The following PRKCH variants were observed in gnomAD, a reference collection of about 807,000 sequenced individuals.
PRKCH encodes protein kinase C eta.
A neutral mutation model predicts 82.5 loss-of-function variants in PRKCH; 28 were observed. The observed-to-expected ratio is 0.34, with a 90% CI of 0.25 to 0.47. The LOEUF is 0.47. PRKCH is among the 20% of genes least tolerant of loss of function. The pLI, the probability that PRKCH is intolerant of heterozygous loss-of-function variation, is 1.00. For synonymous variants in PRKCH, 322 were observed against 327.4 expected (o/e 0.98, Z 0.18); for missense variants, 705 against 881.8 (o/e 0.80, Z 2.54).
At chr14:61,451,525 G>A (rs1227165807) in intron 6 of PRKCH, among the ~76,000 whole-genome samples, 1 of 152,194 alleles carries the variant, frequency 6.6e-6, no homozygotes, top group Non-Finnish European at 1.5e-5. Flanking sequence ...GACAGGGGTA[G>A]AATGAAGGAA....
chr14:61,221,374 CTATT>C (rs2044654814), intron 1 of PRKCH, among the ~76,000 whole-genome samples: 1 of 152,116 alleles, frequency 6.6e-6, no homozygotes, highest in Non-Finnish European at 1.5e-5. Flanking sequence ...GTGGATATAT[CTATT>C]AGCCCTGCTT....
intron 10 of PRKCH, among the ~76,000 whole-genome samples, chr14:61,519,493 A>G (rs1006075931): frequency 6.6e-6 from 1 of 152,078 alleles, no homozygotes; most frequent in African/African-American, 2.4e-5. Flanking sequence ...GGGAGGAGGT[A>G]TGAGGGGGTA....
At chr14:61,439,353 A>G (rs1029022880) in intron 2 of PRKCH, among the ~76,000 whole-genome samples, 1 of 152,122 alleles carries the variant, frequency 6.6e-6, no homozygotes, top group Non-Finnish European at 1.5e-5. Flanking sequence ...ACATGGTGAC[A>G]GTGAAAGTCA....
At chr14:61,416,825 C>A (rs10139146) in intron 2 of PRKCH, among the ~76,000 whole-genome samples, 6,814 of 152,230 alleles carry the variant, frequency 0.045, 464 homozygotes, top group African/African-American at 0.15. Flanking sequence ...GGCCAACACC[C>A]CTTTCCTTTC....
Position 61,506,625 on chromosome 14 carries a change from C to T in PRKCH, c.1433+20969C>T, listed in dbSNP as rs149363890. On this transcript the variant is annotated intron_variant, in intron 10 of 13. Coordinates refer to ENST00000332981, the MANE Select transcript of PRKCH (RefSeq NM_006255.5). ...ATGGAAGCAGCCCTGAACTAACTGC[C>T]CTGGGGCTCTTTATTCTCAGGCTAC... Among the ~76,000 whole-genome samples the T allele has an allele frequency of 1.6e-3, 243 of 152,258 alleles. 4 individuals carry two copies. The highest frequency in any genetic ancestry group is 5.0e-4 in the Non-Finnish European group (34 of 68,028).
At chr14:61,260,208 C>A (rs2045034443) in intron 1 of PRKCH, among the ~76,000 whole-genome samples, 1 of 152,176 alleles carries the variant, frequency 6.6e-6, no homozygotes, top group Non-Finnish European at 1.5e-5. Context: ...TGCAACCCTT[C>A]TGAAATATTA....
chr14:61,442,420 T>C (rs148685614), intron 2 of PRKCH: 1 of 152,320 alleles, frequency 6.6e-6, no homozygotes, highest in East Asian at 1.9e-4. Context: ...TTTGCGAGGA[T>C]ACCAGAATTA....
At chr14:61,225,532 C>T (rs576621394) in intron 1 of PRKCH, among the ~76,000 whole-genome samples, 2 of 152,312 alleles carry the variant, frequency 1.3e-5, no homozygotes, top group South Asian at 4.1e-4. Flanking sequence ...GTGAAGGGCT[C>T]ACAGGCCACG....
intron 1 of PRKCH, among the ~76,000 whole-genome samples, chr14:61,358,384 C>A (rs1281227562): frequency 6.6e-6 from 1 of 152,180 alleles, no homozygotes; most frequent in Non-Finnish European, 1.5e-5. Flanking sequence ...CCTTTAGCTC[C>A]TTAATGCCTG....
chr14:61,296,883 G>T (rs1044018198), intron 1 of PRKCH, among the ~76,000 whole-genome samples: 2 of 152,162 alleles, frequency 1.3e-5, no homozygotes, highest in African/African-American at 2.4e-5. Flanking sequence ...GGTTTGTCAT[G>T]AATTATTTTA....
At chr14:61,382,928 T>C (rs530141334) in intron 1 of PRKCH, among the ~76,000 whole-genome samples, 1 of 152,378 alleles carries the variant, frequency 6.6e-6, no homozygotes, top group South Asian at 2.1e-4. Flanking sequence ...TTGTGTAGGC[T>C]TTTATCCAAG....
intron 1 of PRKCH, among the ~76,000 whole-genome samples, chr14:61,380,766 G>A (rs2046495233): frequency 6.6e-6 from 1 of 152,206 alleles, no homozygotes; most frequent in Non-Finnish European, 1.5e-5. Flanking sequence ...GCACACAGTA[G>A]ACCATTTCTA....
intron 1 of PRKCH, among the ~76,000 whole-genome samples, chr14:61,283,668 G>A (rs1041612884): frequency 1.1e-4 from 16 of 152,178 alleles, no homozygotes; most frequent in Non-Finnish European, 2.2e-4. Flanking sequence ...GCAATATAAC[G>A]AGATCTTGTT....
intron 1 of PRKCH, among the ~76,000 whole-genome samples, chr14:61,220,121 T>C (rs191586780): frequency 6.6e-6 from 1 of 152,294 alleles, no homozygotes; most frequent in East Asian, 1.9e-4. Flanking sequence ...GGCCTCACCA[T>C]CCCTGCTTTC....
At chr14:61,487,555 G>T (rs1268980336) in intron 10 of PRKCH, among the ~76,000 whole-genome samples, 1 of 152,016 alleles carries the variant, frequency 6.6e-6, no homozygotes, top group African/African-American at 2.4e-5. Flanking sequence ...TCTCCTCTCC[G>T]CGGCTAATCC....
chr14:61,443,053 ATT>A, intron 2 of PRKCH, 56 bp from the exon 3 acceptor site: 2 of 1,511,132 alleles, frequency 1.3e-6, no homozygotes, highest in Non-Finnish European at 1.8e-6. Flanking sequence ...TTTCTCATCT[ATT>A]AGGTGCGTTA....
intron 1 of PRKCH, chr14:61,306,270 C>T (rs1306260980): frequency 6.6e-6 from 1 of 152,224 alleles, no homozygotes. Context: ...AGCAACCATT[C>T]TCTGCTAGGC....
At chr14:61,400,604 T>C (rs1029554894) in intron 2 of PRKCH, among the ~76,000 whole-genome samples, 13 of 152,210 alleles carry the variant, frequency 8.5e-5, no homozygotes, top group Admixed American at 3.9e-4. Flanking sequence ...TCTCGTCTTC[T>C]CCATAATATC....
At chr14:61,470,194 A>AGCCCTTG (rs951774447) in intron 9 of PRKCH, among the ~76,000 whole-genome samples, 1 of 151,732 alleles carries the variant, frequency 6.6e-6, no homozygotes, top group African/African-American at 2.4e-5. Flanking sequence ...GCGTAGCTCG[A>AGCCCTTG]GTCCTTGGTC....
Sources: gnomAD v4.1 joint callset for allele counts (sites outside exome capture counted in the v4.1 genomes callset) on GRCh38, gnomAD v4.1.1 for gene constraint, MANE v1.5 for transcripts, NCBI Gene and HGNC (gene_info 2026-07-23, HGNC 2026-07-21) for gene names.